Variants in CARMIL1 observed in about 807,000 individuals in gnomAD.
The protein encoded by CARMIL1 is capping protein regulator and myosin 1 linker 1.
A neutral mutation model predicts 177.1 loss-of-function variants in CARMIL1; 90 were observed. The ratio of observed to expected loss-of-function variants is 0.51; its 90% confidence interval spans 0.43 to 0.61. CARMIL1 has a LOEUF of 0.61. Ranked by LOEUF, CARMIL1 falls within the 20% of genes least tolerant of loss-of-function variation. The pLI is 0.00. For synonymous variants in CARMIL1, 577 were observed against 606.2 expected, an observed-to-expected ratio of 0.95 and a Z score of 0.71; for missense variants, 1,380 against 1,667.0, an observed-to-expected ratio of 0.83 and a Z score of 3.00.
intron 8 of CARMIL1, among the ~76,000 whole-genome samples, chr6:25,459,210 T>TCTTCTTTC (rs1554200782): frequency 1.2e-5 from 1 of 80,136 alleles, no homozygotes. Context: ...GATCCCAACT[T>TCTTCTTTC]TTTCTTTCTT....
In CARMIL1 at chr6:25,498,367, G is replaced by GA. The variant is rs200215002; in HGVS notation, c.1326-1797dup. Among the ~76,000 whole-genome samples the GA allele has an allele frequency of 5.8e-3, 876 of 152,230 alleles. 9 individuals are homozygous for GA. Among genetic ancestry groups the GA allele is most frequent in the African/African-American group, 0.02 (826 of 41,550 alleles). ...AAAATAAACAACATATTTTGCTATA[G>GA]AATTTTTCCCCAGTGCCCAGTATGC... On this transcript the variant is annotated intron_variant, in intron 16 of 36. Coordinates refer to ENST00000329474, the MANE Select transcript of CARMIL1 (RefSeq NM_017640.6).
intron 29 of CARMIL1, chr6:25,563,140 C>A: frequency 2.9e-6 from 2 of 697,672 alleles, no homozygotes; most frequent in Non-Finnish European, 3.5e-6. Flanking sequence ...GGGTATAGTA[C>A]AGTAGAGCCA....
In CARMIL1 at chr6:25,552,687, G is replaced by A. The variant is rs1582338635; in HGVS notation, c.2505-1322G>A. ...TCCTGAGATATTAAAAAATAATTGC[G>A]TTTTTAAGACTCTATCTTTTTTTGG... is the stretch of plus-strand genomic sequence containing the variant. On this transcript the variant is annotated intron_variant, in intron 27 of 36. Transcript: ENST00000329474. Among the ~76,000 whole-genome samples, 5 of 152,120 alleles carry A rather than the reference G, an allele frequency of 3.3e-5. No homozygotes were observed. The South Asian group carries it at 8.3e-4, about 25-fold the overall frequency.
chr6:25,484,255 C>T (rs1056402173), intron 12 of CARMIL1, among the ~76,000 whole-genome samples: 1 of 152,172 alleles, frequency 6.6e-6, no homozygotes, highest in Admixed American at 6.5e-5. Context: ...ATTGCTGTGT[C>T]CTGGCACTTC....
intron 8 of CARMIL1, chr6:25,452,736 A>G (rs544930782): frequency 1.3e-5 from 2 of 152,514 alleles, no homozygotes; most frequent in African/African-American, 4.8e-5. Flanking sequence ...GCTCATATCT[A>G]CTTCTGCATT....
chr6:25,457,958 T>C (rs1263176378), intron 8 of CARMIL1, among the ~76,000 whole-genome samples: 1 of 152,220 alleles, frequency 6.6e-6, no homozygotes, highest in African/African-American at 2.4e-5. Context: ...CCTGGTATAC[T>C]TAACACTGTC....
rs574420546 is a variant in CARMIL1, at chr6:25,311,780, T to A, written c.138+26871T>A. Among the ~76,000 whole-genome samples, 47 of 152,298 alleles carry A rather than the reference T, an allele frequency of 3.1e-4. No individual in the cohort carries two copies. In the South Asian group the frequency reaches 9.1e-3, roughly 30 times the overall value. On this transcript the variant is annotated intron_variant, in intron 2 of 36. Coordinates refer to ENST00000329474, the MANE Select transcript of CARMIL1 (RefSeq NM_017640.6). ...TTAGAAGGGAAAAGTGGGCATACCC[T>A]TGTGGGTGTGTCATGATCTTAGAGG...
At position 25,279,608 on chromosome 6, in the gene CARMIL1, A is replaced by G. The variant is rs1480802769; in HGVS notation, c.-188A>G. Reference sequence around the variant, plus strand: ...GCAGCAAATCCGCCTCGCATTTGCAACTCTTTTTTTTTTTTTTGGTGGGGC... The same window carrying G: ...GCAGCAAATCCGCCTCGCATTTGCAGCTCTTTTTTTTTTTTTTGGTGGGGC... On this transcript the variant is annotated 5_prime_UTR_variant, in exon 1 of 37. Transcript: ENST00000329474. 3.4e-6 allele frequency: 2 copies of G among 592,832 alleles called. No homozygotes were observed. The highest frequency in any genetic ancestry group is 6.0e-6 in the Non-Finnish European group (2 of 335,830). The allele number at this position is 592,832 out of a possible 1,614,324, so 36.7% of individuals were successfully genotyped here. A position where few individuals can be genotyped will look rare whatever the true frequency, so the allele number is the denominator to read the frequency against.
rs182692755 is a variant in CARMIL1 at position 25,598,486 on chromosome 6, A to T, written c.3120-1828A>T. Among the ~76,000 whole-genome samples the T allele has an allele frequency of 1.5e-3, 233 of 151,994 alleles. 3 individuals carry two copies. Among genetic ancestry groups the T allele is most frequent in the Admixed American group, 1.0e-3 (16 of 15,262 alleles). On this transcript the variant is annotated intron_variant, in intron 32 of 36. Transcript: ENST00000329474. The stretch of plus-strand genomic sequence containing the variant: ...ACTCCCAGGGTCAAGCAGTCTGCCC[A>T]CCTCAGCCTCCCAAAGTGCTGGGAT...
Position 25,581,056 on chromosome 6 carries a change from C to A in CARMIL1, c.2809+66C>A, listed in dbSNP as rs1351799726. On this transcript the variant is annotated intron_variant, in intron 30 of 36. Transcript: ENST00000329474. ...GAAGCACCCTCAGCAAGACCTTAGA[C>A]CATTTTAGGGATGTTCCTTATGGAT... 6.1e-6 allele frequency: 9 copies of A among 1,486,934 alleles called. No individual in the cohort carries two copies. The African/African-American group carries it at 1.3e-4, about 21-fold the overall frequency. 92.1% of individuals were successfully genotyped at this position (1,486,934 alleles called of 1,614,324 possible). A position where few individuals can be genotyped will look rare whatever the true frequency, so the allele number is the denominator to read the frequency against.
chr6:25,357,468 C>T (rs570715574), intron 2 of CARMIL1, among the ~76,000 whole-genome samples: 2 of 152,198 alleles, frequency 1.3e-5, no homozygotes, highest in South Asian at 2.1e-4. Flanking sequence ...CTTGTAATCT[C>T]AGCTACTTGG....
At position 25,279,378 on chromosome 6, in the gene CARMIL1, T is replaced by C. The variant is rs1780882297; in HGVS notation, c.-418T>C. On this transcript the variant is annotated 5_prime_UTR_variant, in exon 1 of 37. Transcript: ENST00000329474. ...CCGCCCCGCGCCGCTCTCCCCGCCC[T>C]CTCCCACGCCTTCCGCTTTCACCTA... 2 of 269,568 alleles carry C rather than the reference T, an allele frequency of 7.4e-6. No homozygotes were observed. The highest frequency in any genetic ancestry group is 3.7e-5 in the South Asian group (1 of 26,984). The allele number at this position is 269,568 out of a possible 1,614,324, so 16.7% of individuals were successfully genotyped here.
intron 2 of CARMIL1, among the ~76,000 whole-genome samples, chr6:25,378,500 G>T (rs1791229770): frequency 6.6e-6 from 1 of 152,126 alleles, no homozygotes; most frequent in African/African-American, 2.4e-5. Flanking sequence ...TGAGTTAGCT[G>T]GCTGACTTCC....
At chr6:25,609,676 A>C (rs1365638074) in intron 35 of CARMIL1, among the ~76,000 whole-genome samples, 1 of 152,214 alleles carries the variant, frequency 6.6e-6, no homozygotes, top group Non-Finnish European at 1.5e-5. Context: ...ACTGGGTTTG[A>C]CAACAGGTAA....
At chr6:25,575,174 A>G (rs926326) in intron 29 of CARMIL1, among the ~76,000 whole-genome samples, 124,467 of 152,190 alleles carry the variant, frequency 0.82, 51,270 homozygotes, top group East Asian at 0.95. Context: ...ATGAGCATGA[A>G]ACATACTCCT....
chr6:25,571,827 A>G (rs779733387), intron 29 of CARMIL1, among the ~76,000 whole-genome samples: 5 of 152,206 alleles, frequency 3.3e-5, no homozygotes, highest in Non-Finnish European at 4.4e-5. Flanking sequence ...CTGTGAAACA[A>G]TCGGCCTGGA....
chr6:25,387,649 T>A (rs1004195684), intron 2 of CARMIL1, among the ~76,000 whole-genome samples: 4 of 152,328 alleles, frequency 2.6e-5, no homozygotes, highest in Middle Eastern at 3.4e-3. Context: ...CAGTGAGCCA[T>A]TCATGAGATT....
intron 2 of CARMIL1, among the ~76,000 whole-genome samples, chr6:25,357,289 C>G (rs1788725132): frequency 1.3e-5 from 2 of 152,064 alleles, no homozygotes. Flanking sequence ...CACAAAAACT[C>G]AAAACAGTTG....
intron 5 of CARMIL1, among the ~76,000 whole-genome samples, chr6:25,441,094 A>G (rs1288310906): frequency 6.6e-6 from 1 of 152,110 alleles, no homozygotes; most frequent in African/African-American, 2.4e-5. Flanking sequence ...CCATCATTCA[A>G]ATCAAATATA....
Sources: allele counts gnomAD v4.1 joint callset (sites outside exome capture counted in the v4.1 genomes callset), GRCh38; gene constraint gnomAD v4.1.1; transcripts MANE v1.5; gene names NCBI Gene and HGNC (gene_info 2026-07-23, HGNC 2026-07-21).